The following MARCHF1 variants were observed in gnomAD, a reference collection of about 807,000 sequenced individuals.
The protein encoded by MARCHF1 is E3 ubiquitin-protein ligase MARCHF1.
In MARCHF1, 40 loss-of-function variants were observed where a neutral mutation model predicts 54.2. The observed-to-expected ratio is 0.74, with a 90% CI of 0.57 to 0.96. The LOEUF (loss-of-function observed/expected upper bound fraction) is 0.96. MARCHF1 is among the 40% of genes least tolerant of loss of function. MARCHF1 has a pLI of 0.00. For missense variants in MARCHF1, 586 were observed against 656.5 expected (o/e 0.89, Z 1.17); for synonymous variants, 236 against 236.3 (o/e 1.00, Z 0.01).
chr4:164,036,354 T>C (rs555039200), intron 2 of MARCHF1, among the ~76,000 whole-genome samples: 4 of 152,120 alleles, frequency 2.6e-5, no homozygotes, highest in Non-Finnish European at 5.9e-5. Context: ...ATTGAATGAC[T>C]GAAGCAAGCT....
At chr4:163,899,202 T>C (rs961728890) in intron 3 of MARCHF1, among the ~76,000 whole-genome samples, 2 of 152,216 alleles carry the variant, frequency 1.3e-5, no homozygotes, top group Non-Finnish European at 2.9e-5. Context: ...TAAAAAGTTG[T>C]CCATACTCCC....
In MARCHF1 at chr4:164,296,115, TA is replaced by T. The variant is rs751514372; in HGVS notation, c.-323+87754del. 4.2e-4 allele frequency among the ~76,000 whole-genome samples: 64 copies of T among 151,826 alleles called. 1 individual carries two copies. The East Asian group carries it at 9.9e-3, about 23-fold the overall frequency. On this transcript the variant is annotated intron_variant, in intron 1 of 9. Transcript: ENST00000514618. ...CAAGAATAATTTTGAAATTTTCAAA[TA>T]AAAAAAAATTTACCTTAACTTAAAA...
At chr4:164,292,187 CTTT>C (rs1734298423) in intron 1 of MARCHF1, among the ~76,000 whole-genome samples, 4 of 152,068 alleles carry the variant, frequency 2.6e-5, no homozygotes, top group African/African-American at 9.7e-5. Flanking sequence ...AAAAAGGGCT[CTTT>C]TAGATTTATT....
At chr4:164,164,972 A>C in intron 1 of MARCHF1, among the ~76,000 whole-genome samples, 1 of 152,030 alleles carries the variant, frequency 6.6e-6, no homozygotes, top group Non-Finnish European at 1.5e-5. Context: ...TAAGAAAAAG[A>C]AGCTCAACTT....
chr4:164,271,943 A>T (rs1733754793), intron 1 of MARCHF1, among the ~76,000 whole-genome samples: 1 of 152,142 alleles, frequency 6.6e-6, no homozygotes, highest in African/African-American at 2.4e-5. Flanking sequence ...CCCAAAAATC[A>T]ACGGAAAAAT....
At chr4:164,025,710 A>G (rs1461646971) in intron 2 of MARCHF1, among the ~76,000 whole-genome samples, 1 of 151,996 alleles carries the variant, frequency 6.6e-6, no homozygotes, top group Non-Finnish European at 1.5e-5. Flanking sequence ...ATAAAAAAAA[A>G]AAGGAAAGAA....
At chr4:164,216,626 C>T (rs554532959) in intron 1 of MARCHF1, among the ~76,000 whole-genome samples, 5 of 152,224 alleles carry the variant, frequency 3.3e-5, no homozygotes, top group African/African-American at 1.2e-4. Context: ...AGATTAATTA[C>T]TGATGAAGAA....
intron 2 of MARCHF1, among the ~76,000 whole-genome samples, chr4:164,027,392 AAG>A (rs1753793367): frequency 3.4e-5 from 2 of 59,004 alleles, no homozygotes; most frequent in Non-Finnish European, 6.7e-5. Context: ...AAAAAAAAAA[AAG>A]ATACATAGAT....
intron 4 of MARCHF1, among the ~76,000 whole-genome samples, chr4:163,737,160 C>CTTTTTTTTT (rs201243891): frequency 2.0e-4 from 8 of 41,006 alleles, no homozygotes; most frequent in African/African-American, 9.9e-4. Context: ...CAGCTTTTTT[C>CTTTTTTTTT]TTTCTTTTTT....
rs1407491436 is a variant in MARCHF1 at position 163,733,202 on chromosome 4, T to TACAC, written c.112-32340_112-32339insGTGT. On this transcript the variant is annotated intron_variant, in intron 4 of 9. Transcript: ENST00000514618. ...GTATATATATATATATATATATATA[T>TACAC]ATATATATATATATATATACACGTG... Among the ~76,000 whole-genome samples, 6 of 26,700 alleles carry TACAC rather than the reference T, an allele frequency of 2.2e-4. No homozygotes were observed. The East Asian group carries it at 3.9e-3, about 17-fold the overall frequency. The allele number at this position is 26,700 out of a possible 152,430, so 17.5% of individuals were successfully genotyped here. A position where few individuals can be genotyped will look rare whatever the true frequency, so the allele number is the denominator to read the frequency against.
At chr4:163,904,307 A>C (rs1751007672) in intron 3 of MARCHF1, among the ~76,000 whole-genome samples, 1 of 152,194 alleles carries the variant, frequency 6.6e-6, no homozygotes, top group Admixed American at 6.5e-5. Flanking sequence ...TAAATGCTTG[A>C]AGCTTCCATT....
chr4:163,528,178 C>A lies in MARCHF1; in HGVS notation c.*570G>T, dbSNP rs1738202465. The A allele has an allele frequency of 6.6e-6, 1 of 152,454 alleles. No homozygotes were observed. Among genetic ancestry groups the A allele is most frequent in the African/African-American group, 2.4e-5 (1 of 41,334 alleles). 9.4% of individuals were successfully genotyped at this position (152,454 alleles called of 1,614,324 possible). ...GTATATTGCATCTATTTAAAAAAAA[C>A]ATGCATCTGTCAAAATAACCAGACT... is the stretch of plus-strand genomic sequence containing the variant. On this transcript the variant is annotated 3_prime_UTR_variant, in exon 10 of 10. Coordinates refer to ENST00000514618, the MANE Select transcript of MARCHF1 (RefSeq NM_001394959.1).
chr4:163,619,054 T>C (rs1741599077), intron 5 of MARCHF1, among the ~76,000 whole-genome samples: 1 of 152,116 alleles, frequency 6.6e-6, no homozygotes, highest in African/African-American at 2.4e-5. Flanking sequence ...TGGTATGGGA[T>C]CTACAGAAAG....
intron 3 of MARCHF1, among the ~76,000 whole-genome samples, chr4:163,950,912 T>A (rs1052976024): frequency 6.6e-6 from 1 of 152,200 alleles, no homozygotes; most frequent in African/African-American, 2.4e-5. Context: ...CCAAAGAACA[T>A]TGTTCAGGGC....
chr4:163,892,754 A>G (rs185791030), intron 3 of MARCHF1, among the ~76,000 whole-genome samples: 539 of 152,278 alleles, frequency 3.5e-3, no homozygotes, highest in Middle Eastern at 0.017. Context: ...CATTATATCA[A>G]GAGCTGGTAA....
intron 4 of MARCHF1, among the ~76,000 whole-genome samples, chr4:163,783,581 G>A (rs1747531209): frequency 6.6e-6 from 1 of 152,174 alleles, no homozygotes; most frequent in Admixed American, 6.5e-5. Flanking sequence ...CCTGGGAAAT[G>A]TTGATTTTTC....
intron 3 of MARCHF1, among the ~76,000 whole-genome samples, chr4:163,878,041 T>A (rs1249371289): frequency 6.6e-6 from 1 of 152,224 alleles, no homozygotes; most frequent in Non-Finnish European, 1.5e-5. Context: ...TTCTTTCCTA[T>A]GTTTCTCACT....
At chr4:164,359,987 T>C (rs1730677425) in intron 1 of MARCHF1, among the ~76,000 whole-genome samples, 1 of 152,114 alleles carries the variant, frequency 6.6e-6, no homozygotes, top group African/African-American at 2.4e-5. Flanking sequence ...GAGAGTGTCA[T>C]ATTCTAGTAG....
intron 2 of MARCHF1, among the ~76,000 whole-genome samples, chr4:164,076,761 A>G (rs1754990093): frequency 1.3e-5 from 2 of 152,230 alleles, no homozygotes; most frequent in African/African-American, 4.8e-5. Flanking sequence ...GAGCCAAATC[A>G]TGAGTGAGCT....
Sources: allele counts gnomAD v4.1 joint callset (sites outside exome capture counted in the v4.1 genomes callset), GRCh38; gene constraint gnomAD v4.1.1; transcripts MANE v1.5; gene names NCBI Gene and HGNC (gene_info 2026-07-23, HGNC 2026-07-21).